The following COL6A5 variants were observed in gnomAD, a reference collection of about 807,000 sequenced individuals.
COL6A5 encodes the protein collagen alpha-5(VI) chain.
COL6A5 carries 48 observed loss-of-function variants against 65.6 expected under a neutral mutation model. That is an observed-to-expected ratio of 0.73 (90% CI 0.58 to 0.93). The LOEUF is 0.93. Among genes scored for constraint, COL6A5 ranks in the 40% least tolerant of loss-of-function variants. The probability of loss-of-function intolerance (pLI) is 0.00; values close to 1 mark genes in which losing one functional copy is unlikely to be tolerated. For missense variants in COL6A5, 914 were observed against 928.3 expected, an observed-to-expected ratio of 0.98 and a Z score of 0.20; for synonymous variants, 291 against 322.8, an observed-to-expected ratio of 0.90 and a Z score of 1.05.
intron 8 of COL6A5, among the ~76,000 whole-genome samples, chr3:130,396,658 C>T (rs1454724600): frequency 1.3e-5 from 2 of 152,150 alleles, no homozygotes; most frequent in African/African-American, 4.8e-5. Context: ...TCTGACAACA[C>T]TAGGCCCCAT....
intron 10 of COL6A5, among the ~76,000 whole-genome samples, chr3:130,398,844 GA>G (rs1243535495): frequency 6.6e-6 from 1 of 152,154 alleles, no homozygotes; most frequent in Non-Finnish European, 1.5e-5. Context: ...AATTTACTGA[GA>G]TGTATCCCTG....
At chr3:130,362,344 T>A (rs1257435884) in intron 1 of COL6A5, among the ~76,000 whole-genome samples, 2 of 120,368 alleles carry the variant, frequency 1.7e-5, no homozygotes, top group Admixed American at 1.7e-4. Flanking sequence ...TTTTTTTTTT[T>A]TTTGCATGTG....
rs770090931 is a variant in COL6A5 at position 130,440,832 on chromosome 3, T to C, written c.1241+7T>C. 4.4e-6 allele frequency: 7 copies of C among 1,596,934 alleles called. No individual in the cohort carries two copies. Among genetic ancestry groups the C allele is most frequent in the Admixed American group, 1.7e-5 (1 of 58,266 alleles). The stretch of plus-strand genomic sequence containing the variant: ...TTTTTATACTCGGTCAGGCGTAAGT[T>C]ATTATTTCATTGTTTGTCTTTTTTT... On this transcript the variant is annotated splice_region_variant and intron_variant, in intron 3 of 7. Coordinates refer to ENST00000512836, the Ensembl canonical transcript of COL6A5.
intron 1 of COL6A5, among the ~76,000 whole-genome samples, chr3:130,362,172 T>C (rs376369341): frequency 6.6e-5 from 10 of 151,614 alleles, no homozygotes; most frequent in African/African-American, 2.4e-4. Context: ...TGTTATATTC[T>C]AGGAGCTTAT....
chr3:130,401,070 C>T, exon 11 of COL6A5: 3 of 1,551,100 alleles, frequency 1.9e-6, no homozygotes, highest in Non-Finnish European at 1.7e-6. Flanking sequence ...AACACAACTG[C>T]TCATCATGAG....
At chr3:130,384,721 C>T (rs899976854) in intron 4 of COL6A5, 83 bp from the exon 5 acceptor site, 1 of 1,137,924 alleles carries the variant, frequency 8.8e-7, no homozygotes, top group Non-Finnish European at 1.2e-6. Flanking sequence ...TTAGAAATGC[C>T]TCAGCCTCAT....
At chr3:130,408,041 G>T (rs1461578851) in intron 17 of COL6A5, among the ~76,000 whole-genome samples, 2 of 152,002 alleles carry the variant, frequency 1.3e-5, no homozygotes, top group African/African-American at 4.8e-5. Flanking sequence ...TGCACAAATT[G>T]TTTGTAAACC....
rs762542948 is a variant in COL6A5 at position 130,398,028 on chromosome 3, A to G, written c.3910-2A>G. On this transcript the variant is annotated splice_acceptor_variant and NMD_transcript_variant, in intron 9 of 41. Coordinates refer to the COL6A5 transcript ENST00000312481. ...CACCATACCATTTTCTTATTTCTCC[A>G]GGTGCTGCTTATTTTTTCAGACGGT... 2.6e-6 allele frequency: 4 copies of G among 1,549,938 alleles called. No homozygotes were observed. In the African/African-American group the frequency reaches 5.5e-5, roughly 21 times the overall value.
At chr3:130,424,845 T>C (rs913606749) in intron 29 of COL6A5, among the ~76,000 whole-genome samples, 1 of 152,122 alleles carries the variant, frequency 6.6e-6, no homozygotes, top group Non-Finnish European at 1.5e-5. Flanking sequence ...TCTCCTCAGA[T>C]TCTGGGGCTC....
chr3:130,414,815 C>T (rs1937290120), intron 22 of COL6A5, among the ~76,000 whole-genome samples: 1 of 151,918 alleles, frequency 6.6e-6, no homozygotes, highest in Non-Finnish European at 1.5e-5. Context: ...TAAGGTCTTC[C>T]CAGGAATTCA....
At chr3:130,416,869 T>G (rs1371281834) in intron 24 of COL6A5, 50 bp downstream of exon 24, 2 of 937,716 alleles carry the variant, frequency 2.1e-6, no homozygotes, top group Non-Finnish European at 3.2e-6. Flanking sequence ...ATTTTATATT[T>G]AATGGATAAT....
exon 5 of COL6A5, chr3:130,385,216 C>T (rs1055657133): frequency 4.5e-6 from 7 of 1,551,006 alleles, no homozygotes; most frequent in Non-Finnish European, 6.1e-6. Context: ...CTGAGCAAAT[C>T]ACTGTTCATG....
rs78410669 is a variant in COL6A5 at position 130,440,844 on chromosome 3, G to T, written c.1241+19G>T. ...GTCAGGCGTAAGTTATTATTTCATT[G>T]TTTGTCTTTTTTTTAATAAGCTAGT... On this transcript the variant is annotated intron_variant, in intron 3 of 7. Coordinates refer to ENST00000512836, the Ensembl canonical transcript of COL6A5. The T allele has an allele frequency of 1.3e-6, 2 of 1,581,666 alleles. No individual in the cohort carries two copies. The highest frequency in any genetic ancestry group is 2.7e-5 in the African/African-American group (2 of 73,888).
At chr3:130,442,284 T>C (rs1363314530) in intron 3 of COL6A5, among the ~76,000 whole-genome samples, 1 of 152,142 alleles carries the variant, frequency 6.6e-6, no homozygotes, top group Non-Finnish European at 1.5e-5. Flanking sequence ...CTATGTGAAA[T>C]AGGCAGGTTA....
intron 29 of COL6A5, among the ~76,000 whole-genome samples, chr3:130,425,798 T>C (rs573473780): frequency 1.3e-5 from 2 of 152,310 alleles, no homozygotes; most frequent in Non-Finnish European, 2.9e-5. Context: ...ATGCGTAATA[T>C]AACTGTTCCT....
At chr3:130,444,200 T>G (rs1390312897) in intron 4 of COL6A5, among the ~76,000 whole-genome samples, 3 of 152,154 alleles carry the variant, frequency 2.0e-5, no homozygotes, top group Non-Finnish European at 4.4e-5. Context: ...TGTTCTTTTT[T>G]CAAGGTGCCC....
chr3:130,405,992 G>T lies in COL6A5; in HGVS notation c.4354-1G>T. 1 of 1,551,318 alleles carries T rather than the reference G, an allele frequency of 6.4e-7. No homozygotes were observed. Among genetic ancestry groups the T allele is most frequent in the Non-Finnish European group, 8.7e-7 (1 of 1,146,702 alleles). The stretch of plus-strand genomic sequence containing the variant: ...AGTGAGAGATATTTCATCTTTTGCA[G>T]GGACTCAAAGGATTTTCTGGACCTA... On this transcript the variant is annotated splice_acceptor_variant and NMD_transcript_variant, in intron 14 of 41. Coordinates refer to the COL6A5 transcript ENST00000312481.
At chr3:130,397,537 A>T in intron 8 of COL6A5, 46 bp from the exon 9 acceptor site, 1 of 1,428,986 alleles carries the variant, frequency 7.0e-7, no homozygotes, top group Admixed American at 2.2e-5. Context: ...CTCCTTCCTT[A>T]CTCCTGTCTA....
rs1937137378 is a variant in COL6A5, at chr3:130,410,458, A to G, written c.4609-13A>G. On this transcript the variant is annotated splice_polypyrimidine_tract_variant and intron_variant and NMD_transcript_variant, in intron 19 of 41. Transcript: ENST00000312481. Reference sequence around the variant, plus strand: ...TTTTCCTTTTGATCTTGAGGAAATTATTATATTTTTAGGGTAGAAGTGGAC... The same window carrying G: ...TTTTCCTTTTGATCTTGAGGAAATTGTTATATTTTTAGGGTAGAAGTGGAC... 1.3e-6 allele frequency: 2 copies of G among 1,546,204 alleles called. No individual in the cohort carries two copies. The highest frequency in any genetic ancestry group is 8.7e-7 in the Non-Finnish European group (1 of 1,143,012).
Sources: allele counts gnomAD v4.1 joint callset (sites outside exome capture counted in the v4.1 genomes callset), GRCh38; gene constraint gnomAD v4.1.1; transcripts MANE v1.5; gene names NCBI Gene and HGNC (gene_info 2026-07-23, HGNC 2026-07-21).